The following PARP15 variants were observed in gnomAD, a reference collection of about 807,000 sequenced individuals.
PARP15 encodes protein mono-ADP-ribosyltransferase PARP15.
A neutral mutation model predicts 62.1 loss-of-function variants in PARP15; 50 were observed. The observed-to-expected ratio is 0.81, with a 90% CI of 0.64 to 1.02. PARP15 has a LOEUF of 1.02. PARP15 is among the 50% of genes least tolerant of loss of function. The pLI is 0.00. For missense variants in PARP15, 820 were observed against 826.5 expected (o/e 0.99, Z 0.10); for synonymous variants, 309 against 293.1 (o/e 1.05, Z -0.55).
Position 122,610,510 on chromosome 3 carries a change from A to G in PARP15, c.323A>G (p.Asn108Ser). Residue 108 changes from asparagine to serine, a missense_variant, in exon 3 of 12, where the codon AAC becomes AGC. This residue lies in a region of PARP15 where 731 missense variants were observed against 727.7 expected (regional missense o/e 1.00). Coordinates refer to ENST00000464300, the MANE Select transcript of PARP15 (RefSeq NM_001113523.3). The part of the protein sequence containing the change: ...VLYIWADVIV[N>S]SVPMNLQLGG... ...TTCGTTAAGGCCGATGTCATTGTCA[A>G]CAGCGTTCCCATGAATCTTCAGCTT... 2 of 1,551,480 alleles carry G rather than the reference A, an allele frequency of 1.3e-6. No homozygotes were observed. Among genetic ancestry groups the G allele is most frequent in the South Asian group, 1.2e-5 (1 of 84,016 alleles).
At chr3:122,595,488 A>G (rs1934262281) in intron 1 of PARP15, among the ~76,000 whole-genome samples, 1 of 152,060 alleles carries the variant, frequency 6.6e-6, no homozygotes, top group African/African-American at 2.4e-5. Flanking sequence ...TCCTAAATAC[A>G]GGTTTTTCAC....
At chr3:122,619,743 C>A (rs1936217870) in intron 6 of PARP15, 38 bp from the exon 7 acceptor site, 1 of 1,517,390 alleles carries the variant, frequency 6.6e-7, no homozygotes, top group South Asian at 1.1e-5. Flanking sequence ...TTATTGAATT[C>A]TAACTGATGC....
At chr3:122,615,715 C>T in intron 4 of PARP15, 64 bp from the exon 5 acceptor site, 1 of 1,605,398 alleles carries the variant, frequency 6.2e-7, no homozygotes, top group Non-Finnish European at 8.5e-7. Context: ...GATCAATGCT[C>T]CAAAGAATTG....
chr3:122,581,068 A>G (rs893558570), intron 1 of PARP15, among the ~76,000 whole-genome samples: 3 of 152,218 alleles, frequency 2.0e-5, no homozygotes, highest in Non-Finnish European at 4.4e-5. Flanking sequence ...AGTGTATAGT[A>G]GGCTATACCA....
chr3:122,632,477 A>G (rs1264361376), intron 10 of PARP15, among the ~76,000 whole-genome samples: 3 of 152,212 alleles, frequency 2.0e-5, no homozygotes, highest in African/African-American at 7.2e-5. Flanking sequence ...TGATTAAACA[A>G]GGAGAACTGT....
chr3:122,629,098 TTAAGTG>T (rs1473198149), intron 9 of PARP15, among the ~76,000 whole-genome samples: 1 of 152,190 alleles, frequency 6.6e-6, no homozygotes, highest in Non-Finnish European at 1.5e-5. Flanking sequence ...TGTGATTGGC[TTAAGTG>T]TGAGAATAAA....
chr3:122,625,059 T>G lies in PARP15; in HGVS notation c.1232-1768T>G, dbSNP rs188039462. 7.2e-3 allele frequency among the ~76,000 whole-genome samples: 1,092 copies of G among 152,180 alleles called. 25 individuals are homozygous for G. The highest frequency in any genetic ancestry group is 0.025 in the African/African-American group (1,052 of 41,486). ...TTACCATTATTATATTCTTAATTAC[T>G]CTATTCTTACCTACCATATTCTTAT... On this transcript the variant is annotated intron_variant, in intron 8 of 11. Transcript: ENST00000464300.
In PARP15 at chr3:122,637,296, A is replaced by T. The variant is rs1005953040; in HGVS notation, c.*1196A>T. On this transcript the variant is annotated 3_prime_UTR_variant, in exon 12 of 12. Coordinates refer to ENST00000464300, the MANE Select transcript of PARP15 (RefSeq NM_001113523.3). ...TAGCCTCTGCTTGATCACTTTCAGC[A>T]CTCAACATCTTCAGGGAACCTATTC... 2 of 151,988 alleles carry T rather than the reference A, an allele frequency of 1.3e-5. No individual in the cohort carries two copies. Among genetic ancestry groups the T allele is most frequent in the African/African-American group, 4.8e-5 (2 of 41,358 alleles). 9.4% of individuals were successfully genotyped at this position (151,988 alleles called of 1,614,324 possible). A position where few individuals can be genotyped will look rare whatever the true frequency, so the allele number is the denominator to read the frequency against.
chr3:122,614,304 A>T (rs976225524), intron 4 of PARP15, among the ~76,000 whole-genome samples: 1 of 152,178 alleles, frequency 6.6e-6, no homozygotes, highest in African/African-American at 2.4e-5. Flanking sequence ...CTGACAAGCA[A>T]TTGCTACAAC....
In PARP15 at chr3:122,621,492, A is replaced by G. The variant is rs772478731; in HGVS notation, c.1112A>G (p.Lys371Arg). Reference sequence around the variant, plus strand: ...ATAATTACACCAGGTGGATGCTTAAAGTGCAAAATAATAATTCATGTTCCT... The same window carrying G: ...ATAATTACACCAGGTGGATGCTTAAGGTGCAAAATAATAATTCATGTTCCT... ...DFIITPGGCL[K>R]CKIIIHVPGG... Residue 371 changes from lysine to arginine, a missense_variant, in exon 8 of 12, where the codon AAG (lysine) becomes AGG (arginine). Transcript: ENST00000464300. 42 of 1,613,916 alleles carry G rather than the reference A, an allele frequency of 2.6e-5. No homozygotes were observed. In the Middle Eastern group the frequency reaches 4.9e-4, roughly 19 times the overall value.
In PARP15 at chr3:122,577,759, C is replaced by G; in HGVS notation, c.92C>G (p.Ser31Cys). ...ATGCACGGAGTTGCAGGTGTTACTT[C>G]CAGAGCCGGACGAGATCGGGAGGCG... ...ELMHGVAGVTSRAGRDREAGS... is the reference protein window; with the variant it reads ...ELMHGVAGVTCRAGRDREAGS... The change falls in exon 1 of 12, where the codon TCC (serine) becomes TGC (cysteine). Residue 31 changes from serine (S) to cysteine (C), a missense_variant. By Grantham distance (112) the Ser-to-Cys change is moderately radical. Coordinates refer to ENST00000464300, the MANE Select transcript of PARP15 (RefSeq NM_001113523.3). The G allele has an allele frequency of 6.4e-7, 1 of 1,551,680 alleles. No homozygotes were observed. Among genetic ancestry groups the G allele is most frequent in the Non-Finnish European group, 8.7e-7 (1 of 1,146,972 alleles).
chr3:122,600,349 G>A (rs1934692707), intron 1 of PARP15, among the ~76,000 whole-genome samples: 1 of 152,000 alleles, frequency 6.6e-6, no homozygotes, highest in Admixed American at 6.6e-5. Flanking sequence ...TGTTTCCCAT[G>A]TTGACCTACC....
In PARP15 at chr3:122,635,116, C is replaced by T. The variant is rs764531682; in HGVS notation, c.1669C>T (p.Leu557Phe). ...TGACCATAAGAATAATGAGAGACTC[C>T]TCTTCCATGGGACAGATGCAGACTC... Reference protein sequence around the residue: ...KNDHKNNERLLFHGTDADSVP... With the variant: ...KNDHKNNERLFFHGTDADSVP... Residue 557 changes from leucine to phenylalanine, a missense_variant, in exon 11 of 12, where the codon CTC (leucine) becomes TTC (phenylalanine). By Grantham distance (22) the Leu-to-Phe change is conservative. Around this residue, in one of 3 missense-constraint regions of PARP15, gnomAD observed 731 missense variants for 727.7 expected, o/e 1.00. Transcript: ENST00000464300. 4 of 1,614,064 alleles carry T rather than the reference C, an allele frequency of 2.5e-6. No individual in the cohort carries two copies. The highest frequency in any genetic ancestry group is 3.4e-6 in the Non-Finnish European group (4 of 1,179,958).
Position 122,590,603 on chromosome 3 carries a change from T to A in PARP15, c.186+12750T>A, listed in dbSNP as rs116136930. Among the ~76,000 whole-genome samples, 683 of 152,298 alleles carry A rather than the reference T, an allele frequency of 4.5e-3. 5 individuals carry two copies. The highest frequency in any genetic ancestry group is 0.016 in the African/African-American group (659 of 41,556). ...ATAATATATTGAAGCAAAGTATACA[T>A]ATCAGTATACATATCTGATTTTTGT... On this transcript the variant is annotated intron_variant, in intron 1 of 11. Transcript: ENST00000464300.
At chr3:122,615,446 A>C (rs1401626924) in intron 4 of PARP15, 1 of 1,255,048 alleles carries the variant, frequency 8.0e-7, no homozygotes, top group Non-Finnish European at 1.0e-6. Context: ...TGGATGTAGG[A>C]GATTAGAATT....
At chr3:122,633,957 C>A (rs1362503452) in intron 10 of PARP15, among the ~76,000 whole-genome samples, 1 of 152,212 alleles carries the variant, frequency 6.6e-6, no homozygotes, top group African/African-American at 2.4e-5. Context: ...CAGCTGGACC[C>A]TCCAGGCTTC....
chr3:122,584,989 T>C (rs1263383264), intron 1 of PARP15, among the ~76,000 whole-genome samples: 2 of 152,206 alleles, frequency 1.3e-5, no homozygotes, highest in East Asian at 3.8e-4. Flanking sequence ...CCTATTAATA[T>C]GGTGAATCAT....
intron 3 of PARP15, among the ~76,000 whole-genome samples, chr3:122,611,329 T>A (rs1344150486): frequency 2.0e-5 from 3 of 151,796 alleles, no homozygotes; most frequent in Admixed American, 1.3e-4. Context: ...AAGAGATAAC[T>A]GTTTTCTTCT....
rs1576463480 is a variant in PARP15, at chr3:122,577,786, G to C, written c.119G>C (p.Gly40Ala). Residue 40 changes from glycine to alanine, a missense_variant, in exon 1 of 12, where the codon GGG becomes GCG. Physicochemically the swap from Gly to Ala is moderately conservative, Grantham distance 60 (BLOSUM62 0). Around this residue, in one of 3 missense-constraint regions of PARP15, gnomAD observed 731 missense variants for 727.7 expected, o/e 1.00. Transcript: ENST00000464300. ...AGAGCCGGACGAGATCGGGAGGCGG[G>C]GAGCGTGCTGCCGGCCGGGAACCGT... is the stretch of plus-strand genomic sequence containing the variant. ...TSRAGRDREA[G>A]SVLPAGNRGA... 1.9e-6 allele frequency: 3 copies of C among 1,551,528 alleles called. No homozygotes were observed. The highest frequency in any genetic ancestry group is 1.7e-6 in the Non-Finnish European group (2 of 1,146,888).
Sources: gnomAD v4.1 joint callset for allele counts (sites outside exome capture counted in the v4.1 genomes callset) on GRCh38, gnomAD v4.1.1 for gene constraint, gnomAD v4.1.1 regional missense constraint, MANE v1.5 for transcripts, NCBI Gene and HGNC (gene_info 2026-07-23, HGNC 2026-07-21) for gene names.